The following SPTLC2 variants were observed in gnomAD, a reference collection of about 807,000 sequenced individuals.
SPTLC2 encodes the protein serine palmitoyltransferase long chain base subunit 2.
SPTLC2 carries 21 observed loss-of-function variants against 62.0 expected under a neutral mutation model. That is an observed-to-expected ratio of 0.34 (90% CI 0.24 to 0.49). The LOEUF (loss-of-function observed/expected upper bound fraction) is 0.49, where lower values mean the gene tolerates loss of function less well. Among genes scored for constraint, SPTLC2 ranks in the 20% least tolerant of loss-of-function variants. The pLI, the probability that SPTLC2 is intolerant of heterozygous loss-of-function variation, is 0.99. For synonymous variants in SPTLC2, 261 were observed against 261.8 expected, an observed-to-expected ratio of 1.00 and a Z score of 0.03; for missense variants, 511 against 713.0, an observed-to-expected ratio of 0.72 and a Z score of 3.23.
Position 77,568,447 on chromosome 14 carries a change from G to A in SPTLC2, c.756+1937C>T, listed in dbSNP as rs996324451. ...TCATGACTCTCAATTAGGTCAACTGGTTGACAGTGTTTTCCAAACATTCTA... is the reference window on the plus strand; with the variant it reads ...TCATGACTCTCAATTAGGTCAACTGATTGACAGTGTTTTCCAAACATTCTA... On this transcript the variant is annotated intron_variant, in intron 5 of 11. Transcript: ENST00000216484. 1.1e-4 allele frequency among the ~76,000 whole-genome samples: 17 copies of A among 152,138 alleles called. 1 individual carries two copies. Among genetic ancestry groups the A allele is most frequent in the Admixed American group, 6.5e-5 (1 of 15,268 alleles).
intron 2 of SPTLC2, among the ~76,000 whole-genome samples, chr14:77,590,947 C>T (rs2079812586): frequency 1.3e-5 from 2 of 152,092 alleles, no homozygotes; most frequent in South Asian, 4.1e-4. Flanking sequence ...CTCTTGCAAA[C>T]CTAACACTGG....
At chr14:77,515,270 C>T (rs1031434322) in intron 11 of SPTLC2, among the ~76,000 whole-genome samples, 1 of 152,204 alleles carries the variant, frequency 6.6e-6, no homozygotes, top group Admixed American at 6.5e-5. Flanking sequence ...GTTCCATATA[C>T]ATTTGAGGAT....
intron 2 of SPTLC2, among the ~76,000 whole-genome samples, chr14:77,587,130 A>G (rs2079785936): frequency 6.6e-6 from 1 of 152,116 alleles, no homozygotes. Context: ...CGGGAGGCTG[A>G]GGCAGAAGAA....
chr14:77,513,621 C>T (rs2079344081), intron 11 of SPTLC2, among the ~76,000 whole-genome samples: 2 of 152,048 alleles, frequency 1.3e-5, no homozygotes, highest in South Asian at 2.1e-4. Context: ...TGGCCGGGCG[C>T]GGTGGCTCAT....
chr14:77,508,380 T>C lies in SPTLC2; in HGVS notation c.*3904A>G, dbSNP rs2139986388. 6.6e-6 allele frequency: 1 copy of C among 152,358 alleles called. No individual in the cohort carries two copies. The highest frequency in any genetic ancestry group is 3.4e-3 in the Middle Eastern group (1 of 294). 9.4% of individuals were successfully genotyped at this position (152,358 alleles called of 1,614,324 possible). On this transcript the variant is annotated 3_prime_UTR_variant, in exon 12 of 12. Coordinates refer to ENST00000216484, the MANE Select transcript of SPTLC2 (RefSeq NM_004863.4). ...AAGAGAGGAAAGATACCTTGGGAAT[T>C]AGGTCATAGCAATGCTTCAAACAAC...
At chr14:77,601,567 C>A (rs146996716) in intron 1 of SPTLC2, among the ~76,000 whole-genome samples, 1 of 152,160 alleles carries the variant, frequency 6.6e-6, no homozygotes, top group African/African-American at 2.4e-5. Flanking sequence ...CACATGCACA[C>A]GTGAAACATT....
intron 9 of SPTLC2, among the ~76,000 whole-genome samples, chr14:77,532,983 A>G (rs1023664387): frequency 1.3e-5 from 2 of 152,014 alleles, no homozygotes; most frequent in African/African-American, 4.8e-5. Context: ...GTTAACAGAA[A>G]AGGTCAGTTT....
chr14:77,509,015 T>C lies in SPTLC2; in HGVS notation c.*3269A>G, dbSNP rs948857472. 3 of 152,246 alleles carry C rather than the reference T, an allele frequency of 2.0e-5. No individual in the cohort carries two copies. The highest frequency in any genetic ancestry group is 4.4e-5 in the Non-Finnish European group (3 of 68,040). The allele number at this position is 152,246 out of a possible 1,614,324, so 9.4% of individuals were successfully genotyped here. ...GGAAGCATGTTCAACTCCTTGGTGTTTGAAGAGGCATGACACAAACATAGA... is the reference window on the plus strand; with the variant it reads ...GGAAGCATGTTCAACTCCTTGGTGTCTGAAGAGGCATGACACAAACATAGA... On this transcript the variant is annotated 3_prime_UTR_variant, in exon 12 of 12. Transcript: ENST00000216484.
intron 9 of SPTLC2, among the ~76,000 whole-genome samples, chr14:77,526,404 T>C (rs1029466939): frequency 1.3e-5 from 2 of 152,190 alleles, no homozygotes; most frequent in African/African-American, 4.8e-5. Context: ...AGAACACAGA[T>C]GGAAATATAA....
chr14:77,549,149 T>G (rs1007498890), intron 9 of SPTLC2, among the ~76,000 whole-genome samples: 1 of 151,486 alleles, frequency 6.6e-6, no homozygotes, highest in African/African-American at 2.4e-5. Flanking sequence ...CCTTGGGTAA[T>G]GAGTGAGTTC....
chr14:77,561,380 C>T (rs1408716636), intron 6 of SPTLC2, among the ~76,000 whole-genome samples: 3 of 152,020 alleles, frequency 2.0e-5, no homozygotes, highest in South Asian at 2.1e-4. Context: ...GAGGCCAAGG[C>T]GGGAGGATCA....
At chr14:77,586,265 G>A (rs371316815) in intron 2 of SPTLC2, among the ~76,000 whole-genome samples, 15 of 151,898 alleles carry the variant, frequency 9.9e-5, no homozygotes, top group Admixed American at 2.0e-4. Context: ...CAGTAGAGAC[G>A]GGGTTTCACC....
At chr14:77,514,609 C>G (rs1240521795) in intron 11 of SPTLC2, among the ~76,000 whole-genome samples, 5 of 152,214 alleles carry the variant, frequency 3.3e-5, no homozygotes, top group Admixed American at 2.0e-4. Flanking sequence ...AGCCAATATC[C>G]TTGCGCTTCC....
At chr14:77,541,814 T>G (rs12437425) in intron 9 of SPTLC2, among the ~76,000 whole-genome samples, 12 of 152,166 alleles carry the variant, frequency 7.9e-5, no homozygotes, top group African/African-American at 2.9e-4. Context: ...CCCAGTGCTT[T>G]GGGAGGCCAA....
chr14:77,561,681 C>T (rs2079615970), intron 6 of SPTLC2, among the ~76,000 whole-genome samples: 1 of 151,040 alleles, frequency 6.6e-6, no homozygotes, highest in Admixed American at 6.6e-5. Context: ...CACTGTAAAA[C>T]ATTTTAGACA....
chr14:77,543,412 G>A lies in SPTLC2; in HGVS notation c.1303+8684C>T, dbSNP rs527543042. 6.6e-5 allele frequency among the ~76,000 whole-genome samples: 10 copies of A among 152,282 alleles called. No homozygotes were observed. In the East Asian group the frequency reaches 1.9e-3, roughly 29 times the overall value. ...TAAGGAACGTAAACACTGTAGTAAT[G>A]TATCTACCCACAGATGAAGACAGCT... On this transcript the variant is annotated intron_variant, in intron 9 of 11. Coordinates refer to ENST00000216484, the MANE Select transcript of SPTLC2 (RefSeq NM_004863.4).
chr14:77,587,705 C>T (rs1024891800), intron 2 of SPTLC2, among the ~76,000 whole-genome samples: 6 of 151,080 alleles, frequency 4.0e-5, no homozygotes, highest in African/African-American at 1.5e-4. Flanking sequence ...TGCAGTGAAC[C>T]GAGATCGCAC....
At chr14:77,565,680 G>C (rs1037945894) in intron 5 of SPTLC2, among the ~76,000 whole-genome samples, 3 of 152,208 alleles carry the variant, frequency 2.0e-5, no homozygotes, top group Non-Finnish European at 4.4e-5. Flanking sequence ...AACTATCCCA[G>C]ATTGGAGGAG....
intron 9 of SPTLC2, among the ~76,000 whole-genome samples, chr14:77,530,325 A>AT (rs1189842544): frequency 2.7e-5 from 4 of 147,540 alleles, no homozygotes; most frequent in East Asian, 3.9e-4. Context: ...TTAAAAAAAA[A>AT]AAATATTTAT....
Sources: gnomAD v4.1 joint callset for allele counts (sites outside exome capture counted in the v4.1 genomes callset) on GRCh38, gnomAD v4.1.1 for gene constraint, MANE v1.5 for transcripts, NCBI Gene and HGNC (gene_info 2026-07-23, HGNC 2026-07-21) for gene names.